The following ALKBH3 variants were observed in gnomAD, a reference collection of about 807,000 sequenced individuals.
The protein encoded by ALKBH3 is alpha-ketoglutarate-dependent dioxygenase alkB homolog 3.
A neutral mutation model predicts 43.9 loss-of-function variants in ALKBH3; 51 were observed. The ratio of observed to expected loss-of-function variants is 1.16; its 90% CI spans 0.93 to 1.47. The LOEUF (loss-of-function observed/expected upper bound fraction) is 1.47. Ranked by LOEUF, ALKBH3 falls within the 40% of genes most tolerant of loss-of-function variation. The probability of loss-of-function intolerance (pLI) is 0.00; values close to 1 mark genes in which losing one functional copy is unlikely to be tolerated. For missense variants in ALKBH3, 361 were observed against 351.9 expected, an observed-to-expected ratio of 1.03 and a Z score of -0.21; for synonymous variants, 102 against 115.2, an observed-to-expected ratio of 0.89 and a Z score of 0.73.
At chr11:43,892,194 A>T (rs1951788909) in intron 7 of ALKBH3, 65 bp downstream of exon 7, 1 of 1,340,602 alleles carries the variant, frequency 7.5e-7, no homozygotes, top group Non-Finnish European at 1.1e-6. Flanking sequence ...AGTGCTATAA[A>T]ATAACAACAA....
chr11:43,901,782 T>C, intron 8 of ALKBH3, 57 bp downstream of exon 8: 1 of 1,578,296 alleles, frequency 6.3e-7, no homozygotes, highest in South Asian at 1.1e-5. Context: ...GTGGAAAAAG[T>C]AGAACTCCTA....
intron 7 of ALKBH3, chr11:43,897,231 C>G (rs1047209914): frequency 1.9e-6 from 1 of 539,912 alleles, no homozygotes; most frequent in African/African-American, 1.9e-5. Flanking sequence ...AAGTCAGCAC[C>G]TGTTAGTGGA....
At chr11:43,889,594 G>A (rs901725486) in intron 5 of ALKBH3, 131 bp from the exon 6 acceptor site, 19 of 667,740 alleles carry the variant, frequency 2.8e-5, no homozygotes, top group Non-Finnish European at 4.6e-5. Flanking sequence ...TCTGCTTGCT[G>A]TGGGAGCTGT....
intron 7 of ALKBH3, chr11:43,898,657 G>T: frequency 1.4e-6 from 1 of 726,266 alleles, no homozygotes; most frequent in East Asian, 2.5e-5. Context: ...ATGGAGACCT[G>T]ATGTCAAAGT....
chr11:43,887,788 T>G (rs537087729), intron 5 of ALKBH3, among the ~76,000 whole-genome samples: 115 of 152,046 alleles, frequency 7.6e-4, no homozygotes, highest in Non-Finnish European at 1.4e-3. Context: ...TTTTTTTGTT[T>G]TTTTTTGTTT....
chr11:43,919,118 G>A lies in ALKBH3; in HGVS notation c.750G>A (p.Ala250=), dbSNP rs758142104. The A allele has an allele frequency of 3.7e-6, 6 of 1,612,860 alleles. No homozygotes were observed. Among genetic ancestry groups the A allele is most frequent in the Admixed American group, 1.7e-5 (1 of 60,020 alleles). Residue 250 remains alanine, a synonymous_variant, in exon 9 of 10, where the codon GCG becomes GCA. Transcript: ENST00000302708. ...DHGTLLIMEG[A]TQADWQHRVP... is the part of the protein sequence containing the mutation. ...GGACCTTGTTAATCATGGAAGGAGCGACACAAGCTGACTGGCAGGTGAGGA... is the reference window on the plus strand; with the variant it reads ...GGACCTTGTTAATCATGGAAGGAGCAACACAAGCTGACTGGCAGGTGAGGA...
chr11:43,893,464 T>G (rs905494827), intron 7 of ALKBH3, among the ~76,000 whole-genome samples: 2 of 152,248 alleles, frequency 1.3e-5, no homozygotes, highest in East Asian at 3.8e-4. Context: ...TTGACAACTC[T>G]TCAAAATAAT....
At chr11:43,908,689 A>T (rs1951914223) in intron 8 of ALKBH3, among the ~76,000 whole-genome samples, 1 of 152,240 alleles carries the variant, frequency 6.6e-6, no homozygotes, top group South Asian at 2.1e-4. Context: ...TTTTGCTCAA[A>T]TTCGGTAACT....
intron 8 of ALKBH3, among the ~76,000 whole-genome samples, chr11:43,907,098 C>A (rs1258118040): frequency 6.6e-6 from 1 of 152,074 alleles, no homozygotes; most frequent in Non-Finnish European, 1.5e-5. Flanking sequence ...TATAGGGAAG[C>A]CTCAGGGAGG....
At chr11:43,883,020 G>A in intron 2 of ALKBH3, 65 bp from the exon 3 acceptor site, 1 of 1,329,476 alleles carries the variant, frequency 7.5e-7, no homozygotes, top group Non-Finnish European at 1.1e-6. Context: ...ATTGGCCCTT[G>A]CTCAGTAGAA....
At chr11:43,899,341 C>T (rs1006100251) in intron 7 of ALKBH3, 10 of 696,478 alleles carry the variant, frequency 1.4e-5, no homozygotes, top group Middle Eastern at 2.7e-4. Flanking sequence ...ACAGCATGCC[C>T]GTGTGCACCA....
At chr11:43,913,728 A>G (rs1951959863) in intron 8 of ALKBH3, among the ~76,000 whole-genome samples, 1 of 152,246 alleles carries the variant, frequency 6.6e-6, no homozygotes, top group South Asian at 2.1e-4. Context: ...TTAGACGCTT[A>G]CAAGTCTGCT....
intron 7 of ALKBH3, among the ~76,000 whole-genome samples, chr11:43,894,380 G>T (rs889325032): frequency 6.6e-6 from 1 of 152,126 alleles, no homozygotes; most frequent in African/African-American, 2.4e-5. Context: ...TGTCTTTTAA[G>T]GATAAAATGT....
intron 8 of ALKBH3, chr11:43,910,435 T>C (rs1168471876): frequency 6.6e-6 from 1 of 152,202 alleles, no homozygotes; most frequent in Non-Finnish European, 1.5e-5. Context: ...AGCTTTGACT[T>C]TCATCTGAAG....
At chr11:43,897,864 GA>G in intron 7 of ALKBH3, 1 of 789,120 alleles carries the variant, frequency 1.3e-6, no homozygotes, top group Non-Finnish European at 2.3e-6. Flanking sequence ...AAGTACCATG[GA>G]AAAAATTGCA....
chr11:43,882,775 C>T (rs1188910956), intron 2 of ALKBH3, 44 bp downstream of exon 2: 1 of 1,536,778 alleles, frequency 6.5e-7, no homozygotes, highest in African/African-American at 1.4e-5. Context: ...ATATGGACAA[C>T]TCTCATTCTC....
Position 43,920,025 on chromosome 11 carries a change from G to A in ALKBH3, c.*15G>A. 1.2e-6 allele frequency: 2 copies of A among 1,606,174 alleles called. No homozygotes were observed. The highest frequency in any genetic ancestry group is 1.7e-6 in the Non-Finnish European group (2 of 1,173,008). ...CACCCTGGTGACGTCAGAGCTTTGA[G>A]AGAGAAGCTTCACTGAAACGGAGCA... On this transcript the variant is annotated 3_prime_UTR_variant, in exon 10 of 10. Transcript: ENST00000302708.
At chr11:43,889,415 TA>T (rs1167280688) in intron 5 of ALKBH3, among the ~76,000 whole-genome samples, 1 of 152,242 alleles carries the variant, frequency 6.6e-6, no homozygotes, top group Non-Finnish European at 1.5e-5. Flanking sequence ...AGAGGTTCAG[TA>T]ACTTGCCCAG....
intron 4 of ALKBH3, among the ~76,000 whole-genome samples, chr11:43,885,421 A>T (rs979997011): frequency 6.6e-6 from 1 of 152,248 alleles, no homozygotes; most frequent in African/African-American, 2.4e-5. Flanking sequence ...TGCTATGCCT[A>T]CATTTTGGCT....
Sources: gnomAD v4.1 joint callset for allele counts (sites outside exome capture counted in the v4.1 genomes callset) on GRCh38, gnomAD v4.1.1 for gene constraint, MANE v1.5 for transcripts, NCBI Gene and HGNC (gene_info 2026-07-23, HGNC 2026-07-21) for gene names.